Variants in ANO4 observed in about 807,000 individuals in gnomAD.
The protein encoded by ANO4 is anoctamin-4.
ANO4 carries 69 observed loss-of-function variants against 141.9 expected under a neutral mutation model. The observed-to-expected ratio is 0.49, with a 90% CI of 0.40 to 0.59. The LOEUF (loss-of-function observed/expected upper bound fraction) is 0.59, where lower values mean the gene tolerates loss of function less well. ANO4 is among the 20% of genes least tolerant of loss of function. ANO4 has a pLI of 0.00. For missense variants in ANO4, 894 were observed against 1,162.2 expected (o/e 0.77, Z 3.36); for synonymous variants, 350 against 394.3 (o/e 0.89, Z 1.33).
At chr12:100,986,187 G>A (rs1338053251) in intron 7 of ANO4, among the ~76,000 whole-genome samples, 2 of 152,092 alleles carry the variant, frequency 1.3e-5, no homozygotes, top group South Asian at 2.1e-4. Context: ...GGATTTGCAC[G>A]GTTAGCTCAT....
At chr12:101,069,480 A>G (rs1160208685) in intron 14 of ANO4, among the ~76,000 whole-genome samples, 3 of 152,226 alleles carry the variant, frequency 2.0e-5, no homozygotes, top group Non-Finnish European at 4.4e-5. Flanking sequence ...CTAAATACTG[A>G]GTTCTCCTGT....
chr12:100,901,927 A>G (rs1593695009), intron 2 of ANO4, 87 bp downstream of exon 2: 1 of 1,282,876 alleles, frequency 7.8e-7, no homozygotes, highest in Non-Finnish European at 1.1e-6. Context: ...TAAATATGCC[A>G]TACTTTCAGC....
chr12:101,041,219 A>G (rs1272073270), intron 11 of ANO4, among the ~76,000 whole-genome samples: 2 of 152,232 alleles, frequency 1.3e-5, no homozygotes, highest in Non-Finnish European at 2.9e-5. Context: ...AGGGGAGGAC[A>G]AACAAAAGAC....
intron 3 of ANO4, among the ~76,000 whole-genome samples, chr12:100,784,626 A>G (rs927962609): frequency 1.3e-5 from 2 of 152,202 alleles, no homozygotes; most frequent in Admixed American, 1.3e-4. Flanking sequence ...TTCCTGTTTT[A>G]GCCCTAGACA....
intron 8 of ANO4, among the ~76,000 whole-genome samples, chr12:100,989,876 ATGGATGGATGGATGGG>A (rs1451787453): frequency 1.3e-5 from 2 of 148,668 alleles, no homozygotes; most frequent in African/African-American, 2.5e-5. Context: ...CACCAGATGG[ATGGATGGATGGATGGG>A]TGGATGGATG....
Position 100,955,748 on chromosome 12 carries a change from G to A in ANO4, c.456+13213G>A, listed in dbSNP as rs139227914. 8.5e-5 allele frequency among the ~76,000 whole-genome samples: 13 copies of A among 152,322 alleles called. 1 individual carries two copies. In the East Asian group the frequency reaches 2.5e-3, roughly 29 times the overall value. ...GAAGCCCTGGGGAATTTCATACTCTGCAGAGATTTCAGGAAGGTTAAGAGA... is the reference window on the plus strand; with the variant it reads ...GAAGCCCTGGGGAATTTCATACTCTACAGAGATTTCAGGAAGGTTAAGAGA... On this transcript the variant is annotated intron_variant, in intron 5 of 27. Transcript: ENST00000392977.
chr12:101,034,863 C>A (rs557438695), intron 9 of ANO4, among the ~76,000 whole-genome samples: 1 of 152,238 alleles, frequency 6.6e-6, no homozygotes, highest in East Asian at 1.9e-4. Flanking sequence ...GATGAGATAT[C>A]ACAACACACC....
At chr12:100,926,305 A>C (rs886772717) in intron 3 of ANO4, among the ~76,000 whole-genome samples, 1 of 152,076 alleles carries the variant, frequency 6.6e-6, no homozygotes, top group Non-Finnish European at 1.5e-5. Flanking sequence ...ATCTCTTCTA[A>C]AGATGTCTCA....
chr12:100,841,529 A>G (rs1012461911), intron 1 of ANO4, among the ~76,000 whole-genome samples: 1 of 152,146 alleles, frequency 6.6e-6, no homozygotes, highest in African/African-American at 2.4e-5. Flanking sequence ...GATATAGAAT[A>G]ATGAATAGGG....
Position 100,727,593 on chromosome 12 carries a change from G to GT in ANO4, c.23-6173dup, listed in dbSNP as rs201225825. On this transcript the variant is annotated intron_variant, in intron 1 of 29. Coordinates refer to the ANO4 transcript ENST00000644049. The stretch of plus-strand genomic sequence containing the variant: ...ATGTTTCTCTTACAAACAGCATTTA[G>GT]TTTTTTTTGGTTGTTGTTTTTAGAA... 1.1e-4 allele frequency among the ~76,000 whole-genome samples: 17 copies of GT among 151,898 alleles called. No homozygotes were observed. The South Asian group carries it at 1.5e-3, about 13-fold the overall frequency.
At chr12:101,066,953 T>TG (rs2048615229) in intron 14 of ANO4, 1 of 738,146 alleles carries the variant, frequency 1.4e-6, no homozygotes, top group Admixed American at 1.8e-5. Flanking sequence ...GGACTTTGTG[T>TG]GACTACATGA....
At chr12:100,734,983 G>A (rs978414841) in intron 2 of ANO4, among the ~76,000 whole-genome samples, 1 of 152,206 alleles carries the variant, frequency 6.6e-6, no homozygotes. Flanking sequence ...TGCAGTCACT[G>A]CTTGTAATGC....
At position 100,990,172 on chromosome 12, in the gene ANO4, GA is replaced by G. The variant is rs200576526; in HGVS notation, c.734+2509del. ...ATATATGAGATATAGGTAAATGGAAGAAAAAAATGAATGAATATATGGATAG... is the reference window on the plus strand; with the variant it reads ...ATATATGAGATATAGGTAAATGGAAGAAAAAATGAATGAATATATGGATAG... On this transcript the variant is annotated intron_variant, in intron 8 of 27. Coordinates refer to ENST00000392977, the MANE Select transcript of ANO4 (RefSeq NM_001286615.2). Among the ~76,000 whole-genome samples the G allele has an allele frequency of 2.6e-3, 387 of 147,098 alleles. 2 individuals are homozygous for G. The highest frequency in any genetic ancestry group is 8.6e-3 in the African/African-American group (353 of 40,982).
At chr12:100,900,721 A>T (rs1300348694) in intron 1 of ANO4, among the ~76,000 whole-genome samples, 2 of 152,238 alleles carry the variant, frequency 1.3e-5, no homozygotes, top group Non-Finnish European at 2.9e-5. Context: ...CAGAAAACCA[A>T]AAAATCCAAA....
chr12:100,837,221 C>G (rs1298827781), intron 1 of ANO4, among the ~76,000 whole-genome samples: 1 of 152,148 alleles, frequency 6.6e-6, no homozygotes, highest in Non-Finnish European at 1.5e-5. Context: ...TGAGCACCTA[C>G]TCTGTACTGG....
At chr12:101,116,154 G>A (rs934955895) in intron 24 of ANO4, among the ~76,000 whole-genome samples, 6 of 152,128 alleles carry the variant, frequency 3.9e-5, no homozygotes, top group Non-Finnish European at 7.3e-5. Context: ...TAAAGGAAGA[G>A]GTAGGGAATT....
intron 8 of ANO4, among the ~76,000 whole-genome samples, chr12:101,001,013 T>C (rs947291518): frequency 4.6e-5 from 7 of 152,256 alleles, no homozygotes; most frequent in Non-Finnish European, 1.0e-4. Context: ...TAGAAAAATA[T>C]ATACAATATG....
At chr12:101,018,003 G>T (rs532604123) in intron 8 of ANO4, among the ~76,000 whole-genome samples, 4 of 152,206 alleles carry the variant, frequency 2.6e-5, no homozygotes, top group African/African-American at 9.6e-5. Context: ...GCTATAAAAA[G>T]GGAAGGAAGC....
At chr12:100,970,841 C>T (rs1252518913) in intron 5 of ANO4, among the ~76,000 whole-genome samples, 1 of 152,098 alleles carries the variant, frequency 6.6e-6, no homozygotes, top group African/African-American at 2.4e-5. Flanking sequence ...GCCTCAGCCT[C>T]CCCAGTACCT....
Sources: gnomAD v4.1 joint callset for allele counts (sites outside exome capture counted in the v4.1 genomes callset) on GRCh38, gnomAD v4.1.1 for gene constraint, MANE v1.5 for transcripts, NCBI Gene and HGNC (gene_info 2026-07-23, HGNC 2026-07-21) for gene names.